SIX4: variants seen among roughly 807,000 people sequenced by gnomAD.
SIX4 encodes homeobox protein SIX4.
In SIX4, 23 loss-of-function variants were observed where a neutral mutation model predicts 51.5. The ratio of observed to expected loss-of-function variants is 0.45; its 90% CI spans 0.32 to 0.63. SIX4 has a LOEUF of 0.63. Among genes scored for constraint, SIX4 ranks in the 30% least tolerant of loss-of-function variants. The pLI, the probability that SIX4 is intolerant of heterozygous loss-of-function variation, is 0.04. For synonymous variants in SIX4, 413 were observed against 417.3 expected, an observed-to-expected ratio of 0.99 and a Z score of 0.13; for missense variants, 867 against 984.0, an observed-to-expected ratio of 0.88 and a Z score of 1.59.
rs1004287822 is a variant in SIX4 at position 60,724,206 on chromosome 14, G to C, written c.-132C>G. 4.5e-6 allele frequency: 7 copies of C among 1,560,740 alleles called. No individual in the cohort carries two copies. In the Admixed American group the frequency reaches 1.1e-4, roughly 25 times the overall value. ...CCGGAAAGCCCACTCCCTCCCTCCT[G>C]GTTTCGGCTGTATCTGGCCGATCAG... On this transcript the variant is annotated 5_prime_UTR_variant, in exon 1 of 3. Coordinates refer to ENST00000216513, the MANE Select transcript of SIX4 (RefSeq NM_017420.5).
In SIX4 at chr14:60,720,600, C is replaced by A. The variant is rs933229417; in HGVS notation, c.864-155G>T. Among the ~76,000 whole-genome samples, 3 of 152,170 alleles carry A rather than the reference C, an allele frequency of 2.0e-5. No homozygotes were observed. The highest frequency in any genetic ancestry group is 4.8e-5 in the African/African-American group (2 of 41,450). ...TGCTAGTCCTATTTAAACTAAGAGGCCTTTCAGCAGATTCCGACCAGCCAG... is the reference window on the plus strand; with the variant it reads ...TGCTAGTCCTATTTAAACTAAGAGGACTTTCAGCAGATTCCGACCAGCCAG... On this transcript the variant is annotated intron_variant, in intron 1 of 2. Coordinates refer to ENST00000216513, the MANE Select transcript of SIX4 (RefSeq NM_017420.5). This position sits in a 1 kb window ranked among gnomAD's most constrained non-coding sequence, Gnocchi z 5.5.
rs528685626 is a variant in SIX4, at chr14:60,710,851, G to A, written c.*2556C>T. Reference sequence around the variant, plus strand: ...TATTGTGTAGCTACCTGAAGTAATTGTAGGGTTATAATTACATCATGGTGG... The same window carrying A: ...TATTGTGTAGCTACCTGAAGTAATTATAGGGTTATAATTACATCATGGTGG... On this transcript the variant is annotated 3_prime_UTR_variant, in exon 3 of 3. Coordinates refer to ENST00000216513, the MANE Select transcript of SIX4 (RefSeq NM_017420.5). 3.9e-5 allele frequency: 6 copies of A among 152,588 alleles called. No homozygotes were observed. Among genetic ancestry groups the A allele is most frequent in the Admixed American group, 1.3e-4 (2 of 15,282 alleles). 9.5% of individuals were successfully genotyped at this position (152,588 alleles called of 1,614,324 possible).
At position 60,723,315 on chromosome 14, in the gene SIX4, G is replaced by A; in HGVS notation, c.760C>T (p.Arg254Trp). 1.9e-6 allele frequency: 3 copies of A among 1,613,118 alleles called. No homozygotes were observed. The highest frequency in any genetic ancestry group is 2.5e-6 in the Non-Finnish European group (3 of 1,179,988). The change falls in exon 1 of 3, where the codon CGG (arginine) becomes TGG (tryptophan). Residue 254 changes from arginine (R) to tryptophan (W), a missense_variant. Coordinates refer to ENST00000216513, the MANE Select transcript of SIX4 (RefSeq NM_017420.5). ...QNRYPSPAEK[R>W]HLAKITGLSL... is the part of the protein sequence containing the mutation. ...AGGCCGGTGATCTTGGCCAGGTGCC[G>A]CTTCTCGGCGGGCGAAGGGTAGCGA...
chr14:60,714,494 A>T (rs1194771317), intron 2 of SIX4, among the ~76,000 whole-genome samples: 1 of 152,022 alleles, frequency 6.6e-6, no homozygotes, highest in African/African-American at 2.4e-5. Flanking sequence ...TTTAACCCCA[A>T]CAACAACACA....
Position 60,720,535 on chromosome 14 carries a change from C to G in SIX4, c.864-90G>C, listed in dbSNP as rs144383734. The stretch of plus-strand genomic sequence containing the variant: ...TTGTTTGGAAAACCAGCTTCTAAAT[C>G]CATTAAAGGCAGTATTTAAGGAAAG... On this transcript the variant is annotated intron_variant, in intron 1 of 2. Coordinates refer to ENST00000216513, the MANE Select transcript of SIX4 (RefSeq NM_017420.5). This position sits in a 1 kb window ranked among gnomAD's most constrained non-coding sequence, Gnocchi z 5.5. 2.5e-4 allele frequency: 314 copies of G among 1,246,662 alleles called. 2 individuals are homozygous for G. The East Asian group carries it at 6.3e-3, about 25-fold the overall frequency. 77.2% of individuals were successfully genotyped at this position (1,246,662 alleles called of 1,614,324 possible). A position where few individuals can be genotyped will look rare whatever the true frequency, so the allele number is the denominator to read the frequency against.
rs574803802 is a variant in SIX4 at position 60,717,490 on chromosome 14, T to C, written c.1549+2270A>G. 6.6e-4 allele frequency among the ~76,000 whole-genome samples: 100 copies of C among 152,310 alleles called. 2 individuals are homozygous for C. Among genetic ancestry groups the C allele is most frequent in the South Asian group, 1.7e-3 (8 of 4,826 alleles). On this transcript the variant is annotated intron_variant, in intron 2 of 2. Transcript: ENST00000216513. This position sits in a 1 kb window ranked among gnomAD's most constrained non-coding sequence, Gnocchi z 4.6. ...CCAATGTATGCATGAACAAAATGAT[T>C]AGTTATCTTTTTATAGAGCCATAAA...
At chr14:60,716,026 T>C (rs183489318) in intron 2 of SIX4, among the ~76,000 whole-genome samples, 1 of 152,094 alleles carries the variant, frequency 6.6e-6, no homozygotes, top group African/African-American at 2.4e-5. Context: ...TCACCATGCC[T>C]GTCTAATTTT....
rs560469981 is a variant in SIX4, at chr14:60,714,158, G to T, written c.1595C>A (p.Thr532Lys). 6.2e-7 allele frequency: 1 copy of T among 1,609,002 alleles called. No individual in the cohort carries two copies. Among genetic ancestry groups the T allele is most frequent in the Non-Finnish European group, 8.5e-7 (1 of 1,179,072 alleles). ...TTGCTGGACTGTGGTAGACTCACTTGTAAATGTGCTTCCATCTGAAGTGCT... is the reference window on the plus strand; with the variant it reads ...TTGCTGGACTGTGGTAGACTCACTTTTAAATGTGCTTCCATCTGAAGTGCT... ...SSSTSDGSTFTSESTTVQQGK... is the reference protein window; with the variant it reads ...SSSTSDGSTFKSESTTVQQGK... Residue 532 changes from threonine (T) to lysine (K), a missense_variant, in exon 3 of 3, where the codon ACA becomes AAA. By Grantham distance (78) the Thr-to-Lys change is moderately conservative. Coordinates refer to ENST00000216513, the MANE Select transcript of SIX4 (RefSeq NM_017420.5).
chr14:60,720,408 T>C lies in SIX4; in HGVS notation c.901A>G (p.Ser301Gly). The change falls in exon 2 of 3, where the codon AGC becomes GGC. Residue 301 changes from serine to glycine, a missense_variant. Physicochemically the swap from Ser to Gly is moderately conservative, Grantham distance 56 (BLOSUM62 0). Coordinates refer to ENST00000216513, the MANE Select transcript of SIX4 (RefSeq NM_017420.5). The surrounding 1 kb of genome is among the most constrained non-coding windows in gnomAD (Gnocchi z 5.5). Reference protein sequence around the residue: ...DGNPSTEDESSKGHEDLSPHP... With the variant: ...DGNPSTEDESGKGHEDLSPHP... ...GGAGATAAATCCTCATGTCCCTTGC[T>C]GGATTCATCTTCAGTGCTGGGGTTG... The C allele has an allele frequency of 1.2e-6, 2 of 1,614,076 alleles. No homozygotes were observed. The highest frequency in any genetic ancestry group is 1.7e-6 in the Non-Finnish European group (2 of 1,179,984).
rs2180830 is a variant in SIX4, at chr14:60,709,767, T to C, written c.*3640A>G. The C allele has an allele frequency of 0.88, 134,541 of 152,618 alleles. 60,555 individuals carry two copies. Among genetic ancestry groups the C allele is most frequent in the Non-Finnish European group, 0.98 (66,498 of 68,044 alleles). The allele number at this position is 152,618 out of a possible 1,614,324, so 9.5% of individuals were successfully genotyped here. On this transcript the variant is annotated 3_prime_UTR_variant, in exon 3 of 3. Transcript: ENST00000216513. This position sits in a 1 kb window ranked among gnomAD's most constrained non-coding sequence, Gnocchi z 4.1. ...AAGACTCTGTTACCCCACCCCATGA[T>C]ATACATTCTGTATAGAGTTTCTCTT...
In SIX4 at chr14:60,722,998, G is replaced by A. The variant is rs1039404686; in HGVS notation, c.863+214C>T. ...GCGACCAGAAACTTCTGGGGGGAGA[G>A]GGGGAGGGTAAGGAGGGAGGTTCCC... On this transcript the variant is annotated intron_variant, in intron 1 of 2. Transcript: ENST00000216513. This position sits in a 1 kb window ranked among gnomAD's most constrained non-coding sequence, Gnocchi z 5.9. 46 of 1,016,556 alleles carry A rather than the reference G, an allele frequency of 4.5e-5. No homozygotes were observed. The African/African-American group carries it at 4.8e-4, about 11-fold the overall frequency. The allele number at this position is 1,016,556 out of a possible 1,614,324, so 63.0% of individuals were successfully genotyped here. A position where few individuals can be genotyped will look rare whatever the true frequency, so the allele number is the denominator to read the frequency against.
chr14:60,718,284 A>G (rs1490567411), intron 2 of SIX4, among the ~76,000 whole-genome samples: 2 of 152,108 alleles, frequency 1.3e-5, no homozygotes, highest in Non-Finnish European at 2.9e-5. Context: ...TGTCTGTTCA[A>G]CTCACCCAGA....
chr14:60,712,037 A>C lies in SIX4; in HGVS notation c.*1370T>G, dbSNP rs948014008. The C allele has an allele frequency of 6.6e-6, 1 of 152,652 alleles. No individual in the cohort carries two copies. The highest frequency in any genetic ancestry group is 1.5e-5 in the Non-Finnish European group (1 of 68,034). 9.5% of individuals were successfully genotyped at this position (152,652 alleles called of 1,614,324 possible). ...AAAAATATTTACTTTTAAAGAAGAC[A>C]TGATAATATAGTGCAAACAACAGTC... On this transcript the variant is annotated 3_prime_UTR_variant, in exon 3 of 3. Coordinates refer to ENST00000216513, the MANE Select transcript of SIX4 (RefSeq NM_017420.5).
intron 1 of SIX4, among the ~76,000 whole-genome samples, chr14:60,721,320 T>G (rs1037700163): frequency 2.0e-5 from 3 of 152,104 alleles, no homozygotes; most frequent in African/African-American, 7.2e-5. Context: ...CCATTTGGTC[T>G]GAGGCTGGGA....
chr14:60,724,193 C>T lies in SIX4; in HGVS notation c.-119G>A, dbSNP rs887189092. 2.4e-5 allele frequency: 38 copies of T among 1,574,420 alleles called. No individual in the cohort carries two copies. The highest frequency in any genetic ancestry group is 3.2e-5 in the Non-Finnish European group (37 of 1,166,370). ...CTCCTCTCCCCCTCCGGAAAGCCCA[C>T]TCCCTCCCTCCTGGTTTCGGCTGTA... On this transcript the variant is annotated 5_prime_UTR_variant, in exon 1 of 3. The change creates a new upstream start codon in the 5' untranslated region. Coordinates refer to ENST00000216513, the MANE Select transcript of SIX4 (RefSeq NM_017420.5).
chr14:60,714,717 G>C (rs1053066969), intron 2 of SIX4, among the ~76,000 whole-genome samples: 2 of 150,944 alleles, frequency 1.3e-5, no homozygotes, highest in Non-Finnish European at 2.9e-5. Context: ...CCAGGCTGGA[G>C]TGCAGTGGAG....
Position 60,720,522 on chromosome 14 carries a change from C to G in SIX4, c.864-77G>C. ...TACACAGTGCCACTTGTTTGGAAAACCAGCTTCTAAATCCATTAAAGGCAG... is the reference window on the plus strand; with the variant it reads ...TACACAGTGCCACTTGTTTGGAAAAGCAGCTTCTAAATCCATTAAAGGCAG... On this transcript the variant is annotated intron_variant, in intron 1 of 2. Transcript: ENST00000216513. The surrounding 1 kb of genome is among the most constrained non-coding windows in gnomAD (Gnocchi z 5.5). 1 of 1,391,416 alleles carries G rather than the reference C, an allele frequency of 7.2e-7. No homozygotes were observed. Among genetic ancestry groups the G allele is most frequent in the Middle Eastern group, 2.3e-4 (1 of 4,290 alleles). 86.2% of individuals were successfully genotyped at this position (1,391,416 alleles called of 1,614,324 possible).
At position 60,710,951 on chromosome 14, in the gene SIX4, A is replaced by G. The variant is rs1347618001; in HGVS notation, c.*2456T>C. 6.6e-6 allele frequency: 1 copy of G among 152,258 alleles called. No individual in the cohort carries two copies. The highest frequency in any genetic ancestry group is 1.5e-5 in the Non-Finnish European group (1 of 67,966). The allele number at this position is 152,258 out of a possible 1,614,324, so 9.4% of individuals were successfully genotyped here. ...CTTTTTCATAAGGGAGAAAAGAGGA[A>G]GAACACTGAATAAAAGAGAGGCTTA... On this transcript the variant is annotated 3_prime_UTR_variant, in exon 3 of 3. Coordinates refer to ENST00000216513, the MANE Select transcript of SIX4 (RefSeq NM_017420.5).
At position 60,723,537 on chromosome 14, in the gene SIX4, G is replaced by C. The variant is rs775311369; in HGVS notation, c.538C>G (p.Pro180Ala). The C allele has an allele frequency of 6.2e-7, 1 of 1,608,282 alleles. No individual in the cohort carries two copies. Among genetic ancestry groups the C allele is most frequent in the African/African-American group, 1.3e-5 (1 of 74,898 alleles). The part of the protein sequence containing the change: ...ESHSFESANH[P>A]LLQQLWYKAR... ...TTGTACCAGAGCTGCTGCAGCAGCG[G>C]GTGGTTGGCCGACTCGAAGCTGTGG... is the stretch of plus-strand genomic sequence containing the variant. The change falls in exon 1 of 3, where the codon CCG becomes GCG. Residue 180 changes from proline to alanine, a missense_variant. Physicochemically the swap from Pro to Ala is conservative, Grantham distance 27. Transcript: ENST00000216513.
Sources: allele counts gnomAD v4.1 joint callset (sites outside exome capture counted in the v4.1 genomes callset), GRCh38; gene constraint gnomAD v4.1.1; non-coding constraint Gnocchi (gnomAD v3.1); transcripts MANE v1.5; gene names NCBI Gene and HGNC (gene_info 2026-07-23, HGNC 2026-07-21).